Variants in ZMAT4 observed in about 807,000 individuals in gnomAD.
The protein encoded by ZMAT4 is zinc finger matrin-type protein 4.
In ZMAT4, 17 loss-of-function variants were observed where a neutral mutation model predicts 28.7. The ratio of observed to expected loss-of-function variants is 0.59; its 90% confidence interval spans 0.41 to 0.89. The LOEUF is 0.89. ZMAT4 is among the 40% of genes least tolerant of loss of function. The probability of loss-of-function intolerance (pLI) is 0.00; values close to 1 mark genes in which losing one functional copy is unlikely to be tolerated. For synonymous variants in ZMAT4, 117 were observed against 109.2 expected, an observed-to-expected ratio of 1.07 and a Z score of -0.44; for missense variants, 240 against 283.8, an observed-to-expected ratio of 0.85 and a Z score of 1.11.
chr8:40,715,702 G>T (rs990653350), intron 3 of ZMAT4, among the ~76,000 whole-genome samples: 1 of 152,112 alleles, frequency 6.6e-6, no homozygotes, highest in Non-Finnish European at 1.5e-5. Flanking sequence ...ATCTCCTTTC[G>T]CTCTTTGGAA....
intron 6 of ZMAT4, among the ~76,000 whole-genome samples, chr8:40,559,265 G>A (rs1402011742): frequency 2.6e-5 from 4 of 152,142 alleles, no homozygotes; most frequent in Non-Finnish European, 5.9e-5. Flanking sequence ...GCTGTGCACT[G>A]AGTGCCTTCA....
chr8:40,710,037 CAAAA>C (rs35882795), intron 3 of ZMAT4, among the ~76,000 whole-genome samples: 4 of 78,272 alleles, frequency 5.1e-5, no homozygotes, highest in Non-Finnish European at 6.1e-5. Flanking sequence ...GACCCAGTCT[CAAAA>C]AAAAAAAAAA....
chr8:40,577,880 T>C (rs1275483482), intron 6 of ZMAT4, among the ~76,000 whole-genome samples: 6 of 151,932 alleles, frequency 3.9e-5, no homozygotes, highest in Non-Finnish European at 7.4e-5. Context: ...GGAATAAATC[T>C]AAATAAAGAT....
intron 1 of ZMAT4, among the ~76,000 whole-genome samples, chr8:40,843,973 C>T (rs1300345398): frequency 6.6e-6 from 1 of 152,074 alleles, no homozygotes; most frequent in Non-Finnish European, 1.5e-5. Context: ...CACAGTGCAC[C>T]TAGAAAACGG....
chr8:40,569,688 C>G (rs1222500459), intron 6 of ZMAT4, among the ~76,000 whole-genome samples: 1 of 152,172 alleles, frequency 6.6e-6, no homozygotes, highest in Non-Finnish European at 1.5e-5. Flanking sequence ...CCGACTTTAT[C>G]CCTTCTGCCC....
chr8:40,854,455 TAA>T lies in ZMAT4; in HGVS notation c.-4-28777_-4-28776del, dbSNP rs574868318. Reference sequence around the variant, plus strand: ...ATTGGTAAAACAGCTCCGAGGAATATAAGAGAACCTCAGTGATGACAAAATGG... The same window carrying T: ...ATTGGTAAAACAGCTCCGAGGAATATGAGAACCTCAGTGATGACAAAATGG... On this transcript the variant is annotated intron_variant, in intron 1 of 6. Transcript: ENST00000297737. Among the ~76,000 whole-genome samples the T allele has an allele frequency of 3.8e-3, 572 of 152,262 alleles. 2 individuals are homozygous for T. Among genetic ancestry groups the T allele is most frequent in the African/African-American group, 0.013 (544 of 41,560 alleles).
intron 6 of ZMAT4, among the ~76,000 whole-genome samples, chr8:40,575,522 G>A (rs1199626048): frequency 6.6e-6 from 1 of 151,978 alleles, no homozygotes; most frequent in Non-Finnish European, 1.5e-5. Flanking sequence ...TCCCACAGCT[G>A]AGGCCACTGA....
At chr8:40,569,064 G>A (rs1804012182) in intron 6 of ZMAT4, among the ~76,000 whole-genome samples, 1 of 152,142 alleles carries the variant, frequency 6.6e-6, no homozygotes, top group South Asian at 2.1e-4. Context: ...AACGGATTTT[G>A]ATTATGGGAT....
intron 5 of ZMAT4, among the ~76,000 whole-genome samples, chr8:40,670,798 G>C (rs1435805444): frequency 2.0e-5 from 3 of 152,166 alleles, no homozygotes; most frequent in Non-Finnish European, 4.4e-5. Context: ...GCAGGGTGTG[G>C]TGGCTCACAC....
chr8:40,765,700 G>T (rs1189594653), intron 3 of ZMAT4, among the ~76,000 whole-genome samples: 1 of 152,160 alleles, frequency 6.6e-6, no homozygotes, highest in African/African-American at 2.4e-5. Flanking sequence ...AGGGGATTGT[G>T]CACCTGACCA....
chr8:40,747,797 A>T (rs1202122542), intron 3 of ZMAT4, among the ~76,000 whole-genome samples: 1 of 152,208 alleles, frequency 6.6e-6, no homozygotes, highest in African/African-American at 2.4e-5. Flanking sequence ...CTAGGATGTG[A>T]CATCATGACC....
At chr8:40,766,504 A>T (rs1258391695) in intron 3 of ZMAT4, among the ~76,000 whole-genome samples, 4 of 148,200 alleles carry the variant, frequency 2.7e-5, no homozygotes, top group Non-Finnish European at 1.5e-5. Context: ...GCTAAGGGCT[A>T]AAAAAAAACT....
intron 3 of ZMAT4, among the ~76,000 whole-genome samples, chr8:40,733,580 A>T (rs551441657): frequency 1.3e-5 from 2 of 151,714 alleles, no homozygotes; most frequent in Non-Finnish European, 2.9e-5. Context: ...AGCCTATTAC[A>T]AGTTGTGTCA....
chr8:40,581,738 C>A (rs541274573), intron 5 of ZMAT4, among the ~76,000 whole-genome samples: 7 of 152,232 alleles, frequency 4.6e-5, no homozygotes, highest in African/African-American at 1.2e-4. Flanking sequence ...AATGTAAATA[C>A]CAGGAGGAGA....
intron 3 of ZMAT4, among the ~76,000 whole-genome samples, chr8:40,705,664 T>C (rs1311867576): frequency 2.6e-5 from 4 of 152,230 alleles, no homozygotes; most frequent in African/African-American, 9.6e-5. Flanking sequence ...ATATACATTG[T>C]GGAATGGTTA....
chr8:40,712,081 C>T (rs948562482), intron 3 of ZMAT4, among the ~76,000 whole-genome samples: 2 of 152,104 alleles, frequency 1.3e-5, no homozygotes, highest in African/African-American at 4.8e-5. Flanking sequence ...ATGAAGCACA[C>T]ACTAAAAATT....
intron 4 of ZMAT4, among the ~76,000 whole-genome samples, chr8:40,694,798 C>T (rs1322783185): frequency 6.6e-6 from 1 of 152,146 alleles, no homozygotes; most frequent in Admixed American, 6.5e-5. Flanking sequence ...AAACCAGAAC[C>T]GCCTTTTCCC....
rs1238881948 is a variant in ZMAT4, at chr8:40,881,528, CAGAAAG to C, written c.-5+16149_-5+16154del. Among the ~76,000 whole-genome samples the C allele has an allele frequency of 1.9e-4, 10 of 51,916 alleles. No individual in the cohort carries two copies. In the South Asian group the frequency reaches 2.4e-3, roughly 13 times the overall value. The allele number at this position is 51,916 out of a possible 152,430, so 34.1% of individuals were successfully genotyped here. On this transcript the variant is annotated intron_variant, in intron 1 of 6. Coordinates refer to ENST00000297737, the MANE Select transcript of ZMAT4 (RefSeq NM_024645.3). Reference sequence around the variant, plus strand: ...AAGGAAGGAAGGGGAGAGAGAGAGACAGAAAGAAAGAAAGAAAGAAAGAAAGAAAGA... The same window carrying C: ...AAGGAAGGAAGGGGAGAGAGAGAGACAAAGAAAGAAAGAAAGAAAGAAAGA...
At chr8:40,808,398 AG>A in intron 2 of ZMAT4, 1 of 317,700 alleles carries the variant, frequency 3.1e-6, no homozygotes, top group Admixed American at 4.3e-5. Context: ...GAAAAAAAAA[AG>A]ACAGCATATT....
Sources: allele counts gnomAD v4.1 joint callset (sites outside exome capture counted in the v4.1 genomes callset), GRCh38; gene constraint gnomAD v4.1.1; transcripts MANE v1.5; gene names NCBI Gene and HGNC (gene_info 2026-07-23, HGNC 2026-07-21).